The following MMP26 variants were observed in gnomAD, a reference collection of about 807,000 sequenced individuals.
MMP26 encodes the protein matrix metallopeptidase 26.
MMP26 carries 33 observed loss-of-function variants against 31.0 expected under a neutral mutation model. The ratio of observed to expected loss-of-function variants is 1.06; its 90% CI spans 0.81 to 1.42. MMP26 has a LOEUF of 1.42. MMP26 is among the 40% of genes most tolerant of loss of function. MMP26 has a pLI of 0.00. For synonymous variants in MMP26, 122 were observed against 114.9 expected (o/e 1.06, Z -0.40); for missense variants, 347 against 316.1 (o/e 1.10, Z -0.74).
intron 2 of MMP26, among the ~76,000 whole-genome samples, chr11:4,951,478 T>G (rs1403993362): frequency 1.6e-5 from 2 of 125,194 alleles, no homozygotes; most frequent in East Asian, 4.5e-4. Flanking sequence ...TCATTTTTTG[T>G]AAATAATATT....
At chr11:4,923,442 G>C in intron 2 of MMP26, 2 of 1,602,502 alleles carry the variant, frequency 1.2e-6, no homozygotes. Flanking sequence ...TGGCGAATTT[G>C]CTTGGTCTTG....
chr11:4,967,953 A>AC (rs1846618249), intron 2 of MMP26, among the ~76,000 whole-genome samples: 1 of 152,164 alleles, frequency 6.6e-6, no homozygotes, highest in African/African-American at 2.4e-5. Flanking sequence ...AGAAAATAGG[A>AC]CATTGAAAGA....
At chr11:4,974,476 G>A (rs1017534674) in intron 2 of MMP26, among the ~76,000 whole-genome samples, 1 of 151,798 alleles carries the variant, frequency 6.6e-6, no homozygotes, top group East Asian at 1.9e-4. Flanking sequence ...CTTTATAGAG[G>A]ATTTTACAAA....
At chr11:4,844,394 G>T (rs1444683255) in intron 2 of MMP26, among the ~76,000 whole-genome samples, 1 of 151,956 alleles carries the variant, frequency 6.6e-6, no homozygotes, top group Non-Finnish European at 1.5e-5. Flanking sequence ...GAAGAGGAAG[G>T]AATACTTCCA....
chr11:4,898,827 CTCTCTGTGTGTGTGTGTG>C (rs1850752171), intron 2 of MMP26, among the ~76,000 whole-genome samples: 3 of 51,766 alleles, frequency 5.8e-5, no homozygotes, highest in South Asian at 5.5e-4. Flanking sequence ...CTCTCTCTCT[CTCTCTGTGTGTGTGTGTG>C]TGTGTGTGTG....
chr11:4,722,734 T>C, intron 1 of MMP26: 3 of 887,048 alleles, frequency 3.4e-6, no homozygotes, highest in Non-Finnish European at 3.7e-6. Context: ...GCCACAGCTG[T>C]TCACTTGGGC....
intron 2 of MMP26, among the ~76,000 whole-genome samples, chr11:4,899,248 T>A (rs1850766490): frequency 6.6e-6 from 1 of 152,222 alleles, no homozygotes; most frequent in Admixed American, 6.5e-5. Flanking sequence ...TATTGCAGTC[T>A]ACTCTTGTAT....
intron 2 of MMP26, among the ~76,000 whole-genome samples, chr11:4,801,085 C>T (rs1849174729): frequency 6.6e-6 from 1 of 152,150 alleles, no homozygotes; most frequent in African/African-American, 2.4e-5. Flanking sequence ...CTTCACTGCC[C>T]ATATTTCTAT....
intron 2 of MMP26, among the ~76,000 whole-genome samples, chr11:4,773,531 A>T (rs1443398624): frequency 1.3e-5 from 2 of 152,150 alleles, no homozygotes; most frequent in African/African-American, 4.8e-5. Context: ...CCTTTGGAGA[A>T]AACTCAGCAA....
At chr11:4,769,026 T>C in intron 2 of MMP26, 1 of 1,527,516 alleles carries the variant, frequency 6.5e-7, no homozygotes, top group Non-Finnish European at 8.8e-7. Context: ...ATTTGTTTTG[T>C]TTTTACACTG....
chr11:4,866,008 A>T (rs1182585432), intron 2 of MMP26, among the ~76,000 whole-genome samples: 2 of 152,184 alleles, frequency 1.3e-5, no homozygotes, highest in African/African-American at 4.8e-5. Context: ...GTTGAATATT[A>T]AATGTATGCT....
chr11:4,812,459 A>G (rs1849362924), intron 2 of MMP26, among the ~76,000 whole-genome samples: 1 of 152,164 alleles, frequency 6.6e-6, no homozygotes, highest in South Asian at 2.1e-4. Flanking sequence ...CGTGGCCTGT[A>G]CTTTTTCTGA....
chr11:4,747,129 T>G (rs1035748339), intron 1 of MMP26, among the ~76,000 whole-genome samples: 8 of 152,146 alleles, frequency 5.3e-5, no homozygotes, highest in Non-Finnish European at 1.2e-4. Context: ...TCCTTAGATA[T>G]AGCATTCTAC....
intron 2 of MMP26, among the ~76,000 whole-genome samples, chr11:4,936,410 G>A (rs533691899): frequency 6.6e-6 from 1 of 152,200 alleles, no homozygotes; most frequent in East Asian, 1.9e-4. Context: ...ATTTCTGTAG[G>A]ATTGGTGGTG....
intron 2 of MMP26, among the ~76,000 whole-genome samples, chr11:4,804,778 C>A (rs1849241810): frequency 7.4e-6 from 1 of 134,586 alleles, no homozygotes; most frequent in Non-Finnish European, 1.7e-5. Context: ...AACCCCTTTT[C>A]TATTAAAAAT....
Position 4,888,278 on chromosome 11 carries a change from T to A in MMP26, c.-144-99790T>A, listed in dbSNP as rs116134356. Among the ~76,000 whole-genome samples, 1,113 of 152,230 alleles carry A rather than the reference T, an allele frequency of 7.3e-3. 10 individuals are homozygous for A. The highest frequency in any genetic ancestry group is 0.025 in the African/African-American group (1,059 of 41,546). ...TAAAAGATAGACAAGAAACAAATGATTTTTACAGAAAAAATTTGAGGTAAC... is the reference window on the plus strand; with the variant it reads ...TAAAAGATAGACAAGAAACAAATGAATTTTACAGAAAAAATTTGAGGTAAC... On this transcript the variant is annotated intron_variant, in intron 2 of 7. Transcript: ENST00000380390.
intron 2 of MMP26, among the ~76,000 whole-genome samples, chr11:4,975,376 T>C (rs1197629400): frequency 6.6e-6 from 1 of 152,070 alleles, no homozygotes; most frequent in Non-Finnish European, 1.5e-5. Context: ...AGGCTTTTTG[T>C]GCCTGTTAGG....
At position 4,785,133 on chromosome 11, in the gene MMP26, C is replaced by G. The variant is rs547021757; in HGVS notation, c.-145+17792C>G. Among the ~76,000 whole-genome samples the G allele has an allele frequency of 1.4e-4, 22 of 152,278 alleles. No individual in the cohort carries two copies. In the South Asian group the frequency reaches 4.6e-3, roughly 32 times the overall value. On this transcript the variant is annotated intron_variant, in intron 2 of 7. Coordinates refer to ENST00000380390, the MANE Select transcript of MMP26 (RefSeq NM_021801.5). ...AATACAGTCTGCTACCCTCAGGCCT[C>G]TAGTAAGATAACCAACCATCCCAGT...
chr11:4,813,350 T>C (rs1023992678), intron 2 of MMP26, among the ~76,000 whole-genome samples: 1 of 152,104 alleles, frequency 6.6e-6, no homozygotes, highest in Admixed American at 6.6e-5. Context: ...TTTAAATGTA[T>C]CAGTAATTGA....
Sources: allele counts gnomAD v4.1 joint callset (sites outside exome capture counted in the v4.1 genomes callset), GRCh38; gene constraint gnomAD v4.1.1; transcripts MANE v1.5; gene names NCBI Gene and HGNC (gene_info 2026-07-23, HGNC 2026-07-21).